The following PRKN variants were observed in gnomAD, a reference collection of about 807,000 sequenced individuals.
The protein encoded by PRKN is E3 ubiquitin-protein ligase parkin.
A neutral mutation model predicts 59.5 loss-of-function variants in PRKN; 56 were observed. That is an observed-to-expected ratio of 0.94 (90% CI 0.76 to 1.18). The LOEUF (loss-of-function observed/expected upper bound fraction) is 1.18. Ranked by LOEUF, PRKN falls within the 50% of genes most tolerant of loss-of-function variation. The pLI, the probability that PRKN is intolerant of heterozygous loss-of-function variation, is 0.00. For missense variants in PRKN, 657 were observed against 596.4 expected, an observed-to-expected ratio of 1.10 and a Z score of -1.06; for synonymous variants, 250 against 222.1, an observed-to-expected ratio of 1.13 and a Z score of -1.12.
At chr6:161,795,997 C>A (rs1245672623) in intron 6 of PRKN, among the ~76,000 whole-genome samples, 1 of 152,112 alleles carries the variant, frequency 6.6e-6, no homozygotes, top group Non-Finnish European at 1.5e-5. Flanking sequence ...AATGATAATG[C>A]TTCTATAAGC....
chr6:162,102,725 G>T (rs1025364503), intron 4 of PRKN, among the ~76,000 whole-genome samples: 9 of 144,534 alleles, frequency 6.2e-5, no homozygotes, highest in South Asian at 6.2e-4. Flanking sequence ...ATGGCACACT[G>T]CTGATGAAGA....
intron 4 of PRKN, among the ~76,000 whole-genome samples, chr6:162,132,895 AAG>A (rs1247199761): frequency 6.6e-6 from 1 of 152,164 alleles, no homozygotes; most frequent in Non-Finnish European, 1.5e-5. Flanking sequence ...TCCAGGCAGA[AAG>A]AACAGAATGT....
At chr6:162,128,145 A>G (rs1562529285) in intron 4 of PRKN, among the ~76,000 whole-genome samples, 1 of 152,176 alleles carries the variant, frequency 6.6e-6, no homozygotes, top group Non-Finnish European at 1.5e-5. Context: ...CTTCAGTGCT[A>G]GAGTGTGGGC....
intron 7 of PRKN, among the ~76,000 whole-genome samples, chr6:161,646,783 A>AC (rs1783973001): frequency 1.3e-5 from 2 of 152,160 alleles, no homozygotes; most frequent in Non-Finnish European, 2.9e-5. Flanking sequence ...GCCACAACCC[A>AC]AACAGGATTG....
intron 2 of PRKN, among the ~76,000 whole-genome samples, chr6:162,432,519 C>A (rs1233562538): frequency 1.3e-5 from 2 of 148,678 alleles, no homozygotes; most frequent in African/African-American, 2.6e-5. Context: ...AGCGAGACAC[C>A]GTCTAAAACA....
chr6:161,780,181 G>T (rs543416900), intron 7 of PRKN, among the ~76,000 whole-genome samples: 3 of 152,310 alleles, frequency 2.0e-5, no homozygotes, highest in Admixed American at 6.5e-5. Context: ...CTAAGGTGAA[G>T]AACCTTGCCC....
chr6:162,317,220 T>C (rs902673587), intron 2 of PRKN, among the ~76,000 whole-genome samples: 5 of 152,096 alleles, frequency 3.3e-5, no homozygotes, highest in African/African-American at 1.2e-4. Flanking sequence ...AATAATCCTC[T>C]CACATCAAGG....
chr6:162,269,550 G>C (rs940405629), intron 2 of PRKN: 1 of 152,224 alleles, frequency 6.6e-6, no homozygotes, highest in Non-Finnish European at 1.5e-5. Flanking sequence ...GTTGGCAGAA[G>C]TGCCCAGCCA....
intron 9 of PRKN, among the ~76,000 whole-genome samples, chr6:161,420,218 C>T (rs1318791829): frequency 3.5e-5 from 5 of 140,884 alleles, no homozygotes; most frequent in Admixed American, 7.5e-5. Flanking sequence ...CCAGCCAGAG[C>T]GACAGAGCGA....
chr6:161,531,521 T>C (rs80011918), intron 9 of PRKN, among the ~76,000 whole-genome samples: 2,317 of 152,250 alleles, frequency 0.015, 29 homozygotes, highest in Non-Finnish European at 0.025. Flanking sequence ...GAGTTAAAAG[T>C]GTCCCAAGGT....
chr6:161,708,518 G>T (rs535576332), intron 7 of PRKN, among the ~76,000 whole-genome samples: 2 of 151,572 alleles, frequency 1.3e-5, no homozygotes, highest in Non-Finnish European at 2.9e-5. Flanking sequence ...CTGTGTATGG[G>T]GGGGAGGTAT....
chr6:161,696,896 G>T (rs79554630), intron 7 of PRKN, among the ~76,000 whole-genome samples: 1,610 of 152,250 alleles, frequency 0.011, 27 homozygotes, highest in African/African-American at 0.037. Flanking sequence ...ATTTTTTGTA[G>T]GTAGAACTGT....
intron 1 of PRKN, among the ~76,000 whole-genome samples, chr6:162,615,852 C>A (rs2128219761): frequency 6.6e-6 from 1 of 152,348 alleles, no homozygotes; most frequent in Non-Finnish European, 1.5e-5. Flanking sequence ...CACTCACACA[C>A]TCTTTCAGTC....
intron 4 of PRKN, among the ~76,000 whole-genome samples, chr6:162,134,980 T>C (rs1336368504): frequency 2.0e-5 from 3 of 152,168 alleles, no homozygotes; most frequent in African/African-American, 4.8e-5. Context: ...ATAAGAAATA[T>C]ACATGTTATA....
chr6:161,481,247 C>T (rs1791381373), intron 9 of PRKN, among the ~76,000 whole-genome samples: 1 of 152,198 alleles, frequency 6.6e-6, no homozygotes, highest in Admixed American at 6.5e-5. Flanking sequence ...TATCAACTCT[C>T]CCACCCAACA....
chr6:162,212,279 G>A (rs1785236056), intron 3 of PRKN, among the ~76,000 whole-genome samples: 2 of 151,962 alleles, frequency 1.3e-5, no homozygotes, highest in Admixed American at 6.6e-5. Flanking sequence ...GCAATCCCCC[G>A]AGATTTGAAG....
At chr6:161,811,156 A>G (rs1414633484) in intron 6 of PRKN, among the ~76,000 whole-genome samples, 1 of 152,188 alleles carries the variant, frequency 6.6e-6, no homozygotes, top group African/African-American at 2.4e-5. Context: ...AAAATGAAAC[A>G]AAATCTCAGG....
At chr6:161,970,304 G>C (rs912651813) in intron 6 of PRKN, among the ~76,000 whole-genome samples, 1 of 151,812 alleles carries the variant, frequency 6.6e-6, no homozygotes, top group Non-Finnish European at 1.5e-5. Flanking sequence ...GCCTCCCAAA[G>C]TTCTGGGATT....
At chr6:161,922,788 A>T (rs2128239275) in intron 6 of PRKN, among the ~76,000 whole-genome samples, 1 of 152,350 alleles carries the variant, frequency 6.6e-6, no homozygotes, top group Admixed American at 6.5e-5. Context: ...AAGCCTAAAA[A>T]ATAAAGAGAA....
Sources: allele counts gnomAD v4.1 joint callset (sites outside exome capture counted in the v4.1 genomes callset), GRCh38; gene constraint gnomAD v4.1.1; transcripts MANE v1.5; gene names NCBI Gene and HGNC (gene_info 2026-07-23, HGNC 2026-07-21).